Variants in UCK2 observed in about 807,000 individuals in gnomAD.
The protein encoded by UCK2 is uridine-cytidine kinase 2.
UCK2 carries 6 observed loss-of-function variants against 30.8 expected under a neutral mutation model. The observed-to-expected ratio is 0.19, with a 90% CI of 0.11 to 0.38. UCK2 has a LOEUF of 0.38. UCK2 is among the 10% of genes least tolerant of loss of function. The probability of loss-of-function intolerance (pLI) is 1.00; values close to 1 mark genes in which losing one functional copy is unlikely to be tolerated. For missense variants in UCK2, 210 were observed against 339.8 expected (o/e 0.62, Z 3.00); for synonymous variants, 125 against 133.6 (o/e 0.94, Z 0.45).
At position 165,850,275 on chromosome 1, in the gene UCK2, C is replaced by A. The variant is rs551810356; in HGVS notation, c.99+22343C>A. On this transcript the variant is annotated intron_variant, in intron 1 of 6. Transcript: ENST00000367879. ...CCTCCCGAGAAGCTGGGATTACAGGCATGCCCAACCACGCCCGGCTAATTT... is the reference window on the plus strand; with the variant it reads ...CCTCCCGAGAAGCTGGGATTACAGGAATGCCCAACCACGCCCGGCTAATTT... 2.0e-5 allele frequency among the ~76,000 whole-genome samples: 3 copies of A among 151,984 alleles called. No individual in the cohort carries two copies. In the South Asian group the frequency reaches 6.2e-4, roughly 32 times the overall value.
At chr1:165,878,841 A>G (rs976270255) in intron 1 of UCK2, among the ~76,000 whole-genome samples, 3 of 152,206 alleles carry the variant, frequency 2.0e-5, no homozygotes, top group Non-Finnish European at 2.9e-5. Context: ...ACCAAGGAAC[A>G]TGGGTGCTGG....
chr1:165,883,677 C>T (rs1284936552), intron 1 of UCK2, among the ~76,000 whole-genome samples: 10 of 152,114 alleles, frequency 6.6e-5, no homozygotes, highest in Admixed American at 6.5e-4. Flanking sequence ...TCCTAGTCAG[C>T]AATGCATGGG....
rs1653926877 is a variant in UCK2, at chr1:165,827,827, G to A, written c.-7G>A. 2 of 1,428,162 alleles carry A rather than the reference G, an allele frequency of 1.4e-6. No individual in the cohort carries two copies. Among genetic ancestry groups the A allele is most frequent in the South Asian group, 1.5e-5 (1 of 64,530 alleles). The allele number at this position is 1,428,162 out of a possible 1,614,324, so 88.5% of individuals were successfully genotyped here. A position where few individuals can be genotyped will look rare whatever the true frequency, so the allele number is the denominator to read the frequency against. On this transcript the variant is annotated 5_prime_UTR_variant, in exon 1 of 7. Transcript: ENST00000367879. Reference sequence around the variant, plus strand: ...CACAGGCAGCGGGAGGAGGGGCGGCGCGAACCATGGCCGGGGACAGCGAGC... The same window carrying A: ...CACAGGCAGCGGGAGGAGGGGCGGCACGAACCATGGCCGGGGACAGCGAGC...
At chr1:165,850,144 A>C (rs1216173121) in intron 1 of UCK2, among the ~76,000 whole-genome samples, 1 of 152,028 alleles carries the variant, frequency 6.6e-6, no homozygotes, top group Non-Finnish European at 1.5e-5. Context: ...TTATTTATTT[A>C]TTTTGAGACA....
chr1:165,896,797 T>C (rs1340642790), intron 4 of UCK2, among the ~76,000 whole-genome samples: 1 of 152,186 alleles, frequency 6.6e-6, no homozygotes, highest in African/African-American at 2.4e-5. Flanking sequence ...CAGCAGGCTT[T>C]ATGGAGGCAT....
chr1:165,828,287 T>C (rs1405512603), intron 1 of UCK2, among the ~76,000 whole-genome samples: 7 of 152,084 alleles, frequency 4.6e-5, no homozygotes. Flanking sequence ...GGGAGAGGGC[T>C]TTCCGCAGGA....
intron 1 of UCK2, among the ~76,000 whole-genome samples, chr1:165,857,493 C>G (rs1571275318): frequency 6.6e-6 from 1 of 152,098 alleles, no homozygotes; most frequent in South Asian, 2.1e-4. Flanking sequence ...CCACAATTGC[C>G]TGGGGTAGGG....
intron 1 of UCK2, among the ~76,000 whole-genome samples, chr1:165,880,157 A>G (rs554770491): frequency 1.1e-4 from 16 of 152,228 alleles, no homozygotes; most frequent in African/African-American, 2.9e-4. Context: ...AGAGGATCCA[A>G]CTGGCACATT....
At chr1:165,831,453 A>G (rs75675234) in intron 1 of UCK2, among the ~76,000 whole-genome samples, 3,304 of 152,330 alleles carry the variant, frequency 0.022, 122 homozygotes, top group African/African-American at 0.073. Context: ...AAAGGTGGAA[A>G]AAAACCCAGG....
intron 1 of UCK2, chr1:165,885,064 T>G: frequency 3.7e-6 from 1 of 272,872 alleles, no homozygotes; most frequent in South Asian, 1.7e-4. Flanking sequence ...TTGACTTTAG[T>G]GATGCAGTGG....
chr1:165,850,710 C>T (rs900206313), intron 1 of UCK2, among the ~76,000 whole-genome samples: 5 of 151,476 alleles, frequency 3.3e-5, no homozygotes, highest in African/African-American at 7.3e-5. Context: ...GCTCCGCCTC[C>T]CGTGTTCACG....
In UCK2 at chr1:165,891,301, A is replaced by G. The variant is rs955735287; in HGVS notation, c.335A>G (p.Tyr112Cys). The G allele has an allele frequency of 6.2e-7, 1 of 1,614,124 alleles. No homozygotes were observed. The highest frequency in any genetic ancestry group is 8.5e-7 in the Non-Finnish European group (1 of 1,180,026). The stretch of plus-strand genomic sequence containing the variant: ...GGGAAAACAGTCCAGATCCCCGTGT[A>G]TGACTTTGTCTCCCATTCCCGGTAA... ...TEGKTVQIPV[Y>C]DFVSHSRKEE... Residue 112 changes from tyrosine to cysteine, a missense_variant, in exon 3 of 7, where the codon TAT (tyrosine) becomes TGT (cysteine). Tyr to Cys is a radical substitution (Grantham distance 194). This residue lies in a region of UCK2 where 75 missense variants were observed against 124.7 expected (regional missense o/e 0.60). Transcript: ENST00000367879.
chr1:165,869,853 G>A (rs575291069), intron 1 of UCK2, among the ~76,000 whole-genome samples: 19 of 151,940 alleles, frequency 1.3e-4, no homozygotes, highest in African/African-American at 4.3e-4. Context: ...GTCTTGCAGT[G>A]TTGCCCAGGC....
At chr1:165,897,183 TG>T (rs1431857164) in intron 4 of UCK2, among the ~76,000 whole-genome samples, 2 of 151,332 alleles carry the variant, frequency 1.3e-5, no homozygotes, top group African/African-American at 2.4e-5. Flanking sequence ...GGTTGGGGTC[TG>T]GTTTTAGAGA....
At chr1:165,895,668 T>C (rs886812336) in intron 3 of UCK2, 18 of 985,490 alleles carry the variant, frequency 1.8e-5, no homozygotes, top group Non-Finnish European at 2.2e-5. Context: ...CCAAAACTTT[T>C]CTTTATTTTC....
At chr1:165,839,666 C>T (rs773631923) in intron 1 of UCK2, among the ~76,000 whole-genome samples, 5 of 152,062 alleles carry the variant, frequency 3.3e-5, no homozygotes, top group Admixed American at 1.3e-4. Context: ...GAGTGGAGAA[C>T]GTGCGTGGGT....
chr1:165,861,543 G>A (rs892301443), intron 1 of UCK2, among the ~76,000 whole-genome samples: 55 of 139,294 alleles, frequency 3.9e-4, no homozygotes, highest in Non-Finnish European at 7.1e-4. Context: ...CAGGAGAATG[G>A]CGTGAACCCA....
At chr1:165,847,920 C>T (rs570701197) in intron 1 of UCK2, among the ~76,000 whole-genome samples, 2 of 152,202 alleles carry the variant, frequency 1.3e-5, no homozygotes, top group Admixed American at 6.5e-5. Flanking sequence ...AGGCTGGTCT[C>T]GAACTCCTAA....
At chr1:165,828,039 C>T (rs1653936600) in intron 1 of UCK2, 107 bp downstream of exon 1, 1 of 805,446 alleles carries the variant, frequency 1.2e-6, no homozygotes, top group Non-Finnish European at 1.6e-6. Flanking sequence ...CCGCGTGGCC[C>T]GCGCGCCTCC....
Sources: allele counts gnomAD v4.1 joint callset (sites outside exome capture counted in the v4.1 genomes callset), GRCh38; gene constraint gnomAD v4.1.1; regional missense constraint gnomAD v4.1.1; transcripts MANE v1.5; gene names NCBI Gene and HGNC (gene_info 2026-07-23, HGNC 2026-07-21).